DLG2: variants seen among roughly 807,000 people sequenced by gnomAD.
DLG2 encodes the protein discs large MAGUK scaffold protein 2.
In DLG2, 45 loss-of-function variants were observed where a neutral mutation model predicts 132.5. The observed-to-expected ratio is 0.34, with a 90% CI of 0.27 to 0.44. DLG2 has a LOEUF of 0.44. Ranked by LOEUF, DLG2 falls within the 20% of genes least tolerant of loss-of-function variation. The pLI is 1.00. For synonymous variants in DLG2, 424 were observed against 419.6 expected (o/e 1.01, Z -0.13); for missense variants, 1,045 against 1,196.9 (o/e 0.87, Z 1.87).
chr11:83,515,884 G>A (rs1240362744), intron 21 of DLG2, among the ~76,000 whole-genome samples: 1 of 152,222 alleles, frequency 6.6e-6, no homozygotes, highest in Non-Finnish European at 1.5e-5. Flanking sequence ...ACTGTGGTCT[G>A]AGGGACAGTT....
chr11:84,087,438 AT>A (rs1215627587), intron 10 of DLG2, among the ~76,000 whole-genome samples: 3 of 152,150 alleles, frequency 2.0e-5, no homozygotes, highest in African/African-American at 7.2e-5. Flanking sequence ...CTCATTGGCC[AT>A]TTGCATATCT....
At chr11:84,779,571 C>T (rs942685466) in intron 6 of DLG2, among the ~76,000 whole-genome samples, 1 of 152,124 alleles carries the variant, frequency 6.6e-6, no homozygotes, top group South Asian at 2.1e-4. Context: ...CTTGCCTGAT[C>T]GTTCTGGCTA....
intron 3 of DLG2, among the ~76,000 whole-genome samples, chr11:85,390,610 A>T (rs2086716484): frequency 6.6e-6 from 1 of 152,266 alleles, no homozygotes; most frequent in Non-Finnish European, 1.5e-5. Flanking sequence ...ACAGTGGAAA[A>T]AAAATGAAAA....
At chr11:84,637,661 T>A (rs1054419700) in intron 6 of DLG2, among the ~76,000 whole-genome samples, 5 of 152,228 alleles carry the variant, frequency 3.3e-5, no homozygotes, top group Non-Finnish European at 5.9e-5. Flanking sequence ...AGCAAAGCAA[T>A]GCCAAAGGCA....
At chr11:84,668,161 A>G (rs531577938) in intron 6 of DLG2, among the ~76,000 whole-genome samples, 1 of 152,098 alleles carries the variant, frequency 6.6e-6, no homozygotes, top group Non-Finnish European at 1.5e-5. Flanking sequence ...GGTACCCTTG[A>G]TAAATATTTG....
At chr11:84,828,081 G>A (rs1050307110) in intron 6 of DLG2, among the ~76,000 whole-genome samples, 4 of 151,234 alleles carry the variant, frequency 2.6e-5, no homozygotes, top group African/African-American at 9.8e-5. Context: ...CGGTGGAAAC[G>A]TTTGTAAAAT....
At chr11:84,195,518 G>C (rs2096499146) in intron 8 of DLG2, among the ~76,000 whole-genome samples, 1 of 152,074 alleles carries the variant, frequency 6.6e-6, no homozygotes, top group South Asian at 2.1e-4. Flanking sequence ...CTTTGGAATT[G>C]AGTCTTTCTG....
Position 84,791,343 on chromosome 11 carries a change from A to G in DLG2, c.358-256612T>C, listed in dbSNP as rs1187513822. ...GCAGTACCGTGCTATTGTGGTTACT[A>G]TAACTCTGTAGTACAATTTGAAGTC... On this transcript the variant is annotated intron_variant, in intron 6 of 27. Coordinates refer to ENST00000376104, the MANE Select transcript of DLG2 (RefSeq NM_001142699.3). 2.6e-5 allele frequency among the ~76,000 whole-genome samples: 4 copies of G among 152,312 alleles called. No individual in the cohort carries two copies. The South Asian group carries it at 6.2e-4, about 24-fold the overall frequency.
intron 7 of DLG2, among the ~76,000 whole-genome samples, chr11:84,275,151 A>G (rs1222837340): frequency 6.6e-6 from 1 of 152,128 alleles, no homozygotes; most frequent in East Asian, 1.9e-4. Flanking sequence ...GGCTTTTCCA[A>G]CCTCCTGTTT....
At chr11:85,056,935 A>G (rs1473110418) in intron 6 of DLG2, among the ~76,000 whole-genome samples, 1 of 151,938 alleles carries the variant, frequency 6.6e-6, no homozygotes, top group Non-Finnish European at 1.5e-5. Context: ...CTATATTTTA[A>G]AAAATACTAA....
At chr11:83,847,183 T>C (rs556521881) in intron 16 of DLG2, among the ~76,000 whole-genome samples, 8 of 152,270 alleles carry the variant, frequency 5.3e-5, no homozygotes, top group African/African-American at 1.9e-4. Context: ...TAAATATCTA[T>C]TGTACAGAGT....
intron 8 of DLG2, among the ~76,000 whole-genome samples, chr11:84,185,383 T>G (rs1356348012): frequency 1.6e-4 from 25 of 152,118 alleles, no homozygotes; most frequent in Non-Finnish European, 2.5e-4. Context: ...GTCTGTTATT[T>G]GTGTATAAGA....
At chr11:84,550,413 T>G (rs992322497) in intron 6 of DLG2, among the ~76,000 whole-genome samples, 1 of 152,068 alleles carries the variant, frequency 6.6e-6, no homozygotes, top group Non-Finnish European at 1.5e-5. Flanking sequence ...TATCTTCCAC[T>G]TATGATGATC....
At chr11:85,014,028 C>T (rs2059368308) in intron 6 of DLG2, among the ~76,000 whole-genome samples, 1 of 152,056 alleles carries the variant, frequency 6.6e-6, no homozygotes, top group South Asian at 2.1e-4. Flanking sequence ...TCTGGATTCT[C>T]CTCAAAAGAG....
rs1555190569 is a variant in DLG2 at position 85,583,130 on chromosome 11, G to GTGTGTGTATA, written c.40+15526_40+15527insTATACACACA. ...TGTGTGTGTGTGTGTGTGTGTGTGTGTATATATATATATATATATATATAT... is the reference window on the plus strand; with the variant it reads ...TGTGTGTGTGTGTGTGTGTGTGTGTGTGTGTGTATATATATATATATATATATATATATAT... On this transcript the variant is annotated intron_variant, in intron 3 of 27. Coordinates refer to ENST00000376104, the MANE Select transcript of DLG2 (RefSeq NM_001142699.3). Among the ~76,000 whole-genome samples, 86 of 13,572 alleles carry GTGTGTGTATA rather than the reference G, an allele frequency of 6.3e-3. 1 individual carries two copies. The highest frequency in any genetic ancestry group is 0.01 in the Non-Finnish European group (65 of 6,322). 8.9% of individuals were successfully genotyped at this position (13,572 alleles called of 152,430 possible).
At chr11:84,783,348 CA>C (rs200415262) in intron 6 of DLG2, among the ~76,000 whole-genome samples, 3,779 of 152,234 alleles carry the variant, frequency 0.025, 161 homozygotes, top group African/African-American at 0.087. Flanking sequence ...TCAGTTCTGA[CA>C]CTGTCTGACT....
At chr11:85,529,195 C>T (rs1028828498) in intron 3 of DLG2, among the ~76,000 whole-genome samples, 9 of 152,176 alleles carry the variant, frequency 5.9e-5, no homozygotes, top group African/African-American at 2.2e-4. Context: ...TAGGAGCATA[C>T]AGATGGAACT....
intron 6 of DLG2, among the ~76,000 whole-genome samples, chr11:84,610,730 T>G (rs2099593949): frequency 1.3e-5 from 2 of 152,108 alleles, no homozygotes; most frequent in Non-Finnish European, 2.9e-5. Flanking sequence ...CCTATTCATC[T>G]TTTCTGGGAG....
chr11:84,645,420 A>C (rs2099673495), intron 6 of DLG2, among the ~76,000 whole-genome samples: 1 of 152,148 alleles, frequency 6.6e-6, no homozygotes, highest in African/African-American at 2.4e-5. Context: ...AAAGGTTCTC[A>C]TCGAACACAA....
Sources: allele counts gnomAD v4.1 joint callset (sites outside exome capture counted in the v4.1 genomes callset), GRCh38; gene constraint gnomAD v4.1.1; transcripts MANE v1.5; gene names NCBI Gene and HGNC (gene_info 2026-07-23, HGNC 2026-07-21).